The following GIT2 variants were observed in gnomAD, a reference collection of about 807,000 sequenced individuals.
GIT2 encodes ARF GTPase-activating protein GIT2.
Under a neutral mutation model 100.3 loss-of-function variants are expected in GIT2, and 32 were observed. The ratio of observed to expected loss-of-function variants is 0.32; its 90% confidence interval spans 0.24 to 0.43. The LOEUF (loss-of-function observed/expected upper bound fraction) is 0.43. GIT2 is among the 20% of genes least tolerant of loss of function. GIT2 has a pLI of 1.00. For synonymous variants in GIT2, 353 were observed against 364.1 expected, an observed-to-expected ratio of 0.97 and a Z score of 0.35; for missense variants, 737 against 975.1, an observed-to-expected ratio of 0.76 and a Z score of 3.25.
intron 14 of GIT2, 179 bp downstream of exon 14, chr12:109,950,988 T>C: frequency 1.5e-6 from 1 of 659,392 alleles, no homozygotes; most frequent in South Asian, 1.8e-5. Context: ...TTACTCTGGA[T>C]ATATTTCATT....
Position 109,951,231 on chromosome 12 carries a change from T to TTGGCCTCAGAA in GIT2, c.1317_1327dup (p.Lys443IlefsTer9). On this transcript the variant is annotated frameshift_variant, in exon 14 of 20. Coordinates refer to ENST00000355312, the MANE Select transcript of GIT2 (RefSeq NM_057169.5). LOFTEE classifies it high-confidence loss of function. The stretch of plus-strand genomic sequence containing the variant: ...ATTCACCTTCATTAGCTGCTGTATC[T>TTGGCCTCAGAA]TGGCCTCAGAAGCCACTAGAGCGTT... 6.2e-7 allele frequency: 1 copy of TTGGCCTCAGAA among 1,612,910 alleles called. No individual in the cohort carries two copies. Among genetic ancestry groups the TTGGCCTCAGAA allele is most frequent in the Non-Finnish European group, 8.5e-7 (1 of 1,178,854 alleles).
rs762150377 is a variant in GIT2 at position 109,932,997 on chromosome 12, G to A, written c.2261C>T (p.Thr754Ile). Residue 754 changes from threonine (T) to isoleucine (I), a missense_variant, in exon 20 of 20, where the codon ACC (threonine) becomes ATC (isoleucine). Physicochemically the swap from Thr to Ile is moderately conservative, Grantham distance 89. Transcript: ENST00000355312. ...KAAKQLVTIT[T>I]KENNN is the part of the protein sequence containing the mutation. ...CCCTTGTCAGTTGTTGTTCTCTTTGGTGGTGATGGTAACCAGCTGCTTGGC... is the reference window on the plus strand; with the variant it reads ...CCCTTGTCAGTTGTTGTTCTCTTTGATGGTGATGGTAACCAGCTGCTTGGC... The A allele has an allele frequency of 6.2e-7, 1 of 1,608,168 alleles. No homozygotes were observed. The highest frequency in any genetic ancestry group is 2.2e-5 in the East Asian group (1 of 44,870).
intron 2 of GIT2, among the ~76,000 whole-genome samples, chr12:109,991,019 T>C (rs1036168780): frequency 6.6e-6 from 1 of 152,190 alleles, no homozygotes; most frequent in Non-Finnish European, 1.5e-5. Flanking sequence ...ATAGAAAAGA[T>C]GGACTACTGG....
Position 109,948,478 on chromosome 12 carries a change from G to C in GIT2, c.1393-974C>G. 1 of 1,140,672 alleles carries C rather than the reference G, an allele frequency of 8.8e-7. No individual in the cohort carries two copies. The highest frequency in any genetic ancestry group is 5.6e-5 in the East Asian group (1 of 17,944). The allele number at this position is 1,140,672 out of a possible 1,614,324, so 70.7% of individuals were successfully genotyped here. A position where few individuals can be genotyped will look rare whatever the true frequency, so the allele number is the denominator to read the frequency against. On this transcript the variant is annotated intron_variant, in intron 14 of 19. Transcript: ENST00000355312. The surrounding 1 kb of genome is among the most constrained non-coding windows in gnomAD (Gnocchi z 4.3). ...ATGGTGCTGGATGGATTAGAGTTAAGGGGTCAGCAGGGAATCGTGTTACTC... is the reference window on the plus strand; with the variant it reads ...ATGGTGCTGGATGGATTAGAGTTAACGGGTCAGCAGGGAATCGTGTTACTC...
intron 9 of GIT2, 79 bp downstream of exon 9, chr12:109,965,447 G>A (rs1882079860): frequency 1.3e-6 from 1 of 791,718 alleles, no homozygotes; most frequent in Non-Finnish European, 2.1e-6. Context: ...GACGCAATAG[G>A]TAACCTGCAT....
intron 16 of GIT2, 107 bp downstream of exon 16, chr12:109,945,153 A>C (rs537025526): frequency 7.4e-6 from 5 of 675,646 alleles, no homozygotes; most frequent in Non-Finnish European, 1.4e-5. Flanking sequence ...TGCCTCATGC[A>C]GGACGGAAGG....
At chr12:109,988,455 T>C (rs1190408885) in intron 4 of GIT2, among the ~76,000 whole-genome samples, 1 of 151,902 alleles carries the variant, frequency 6.6e-6, no homozygotes, top group African/African-American at 2.4e-5. Context: ...GGTGGAAGGA[T>C]TGCTAGAGCC....
At chr12:109,961,478 C>T (rs1199134235) in intron 10 of GIT2, 103 bp from the exon 11 acceptor site, 1 of 936,800 alleles carries the variant, frequency 1.1e-6, no homozygotes, top group Non-Finnish European at 1.8e-6. Flanking sequence ...ACTCTGAAGC[C>T]AACACACGCA....
intron 13 of GIT2, 123 bp downstream of exon 13, chr12:109,952,969 C>T: frequency 5.7e-6 from 5 of 869,680 alleles, no homozygotes; most frequent in Non-Finnish European, 8.9e-6. Context: ...AACCATTTAA[C>T]CTTGTTTCAC....
chr12:109,968,577 C>G (rs965983775), intron 7 of GIT2, among the ~76,000 whole-genome samples: 2 of 152,054 alleles, frequency 1.3e-5, no homozygotes, highest in Non-Finnish European at 2.9e-5. Flanking sequence ...GCATGCGCCA[C>G]CACGCCCAAC....
rs759478405 is a variant in GIT2 at position 109,991,633 on chromosome 12, C to G, written c.180G>C (p.Leu60=). ...GAGAATTCTTATCCTTTACCTGAAG[C>G]AGTGTTGGAGGCCACGGTGTGTGTT... The part of the protein sequence containing the change: ...HLKHTPWPPT[L]LQMVETLYNN... The change falls in exon 2 of 20, where the codon CTG becomes CTC. Residue 60 remains leucine (L), a synonymous_variant. Transcript: ENST00000355312. 1.2e-6 allele frequency: 2 copies of G among 1,612,104 alleles called. No individual in the cohort carries two copies. The highest frequency in any genetic ancestry group is 3.3e-5 in the Admixed American group (2 of 59,858).
rs1424126165 is a variant in GIT2 at position 109,947,805 on chromosome 12, G to A, written c.1393-301C>T. ...TTAAAATTTGTCATGGTGGGGCTGGGAAATGTTTGCAGGCAAGCTGTACAC... is the reference window on the plus strand; with the variant it reads ...TTAAAATTTGTCATGGTGGGGCTGGAAAATGTTTGCAGGCAAGCTGTACAC... On this transcript the variant is annotated intron_variant, in intron 14 of 19. Transcript: ENST00000355312. This position sits in a 1 kb window ranked among gnomAD's most constrained non-coding sequence, Gnocchi z 4.3. 2 of 333,882 alleles carry A rather than the reference G, an allele frequency of 6.0e-6. No homozygotes were observed. The highest frequency in any genetic ancestry group is 7.0e-5 in the East Asian group (1 of 14,190). 20.7% of individuals were successfully genotyped at this position (333,882 alleles called of 1,614,324 possible). A position where few individuals can be genotyped will look rare whatever the true frequency, so the allele number is the denominator to read the frequency against.
At chr12:109,986,990 TAAAA>T (rs1222384139) in intron 4 of GIT2, among the ~76,000 whole-genome samples, 3 of 151,670 alleles carry the variant, frequency 2.0e-5, no homozygotes, top group African/African-American at 7.3e-5. Flanking sequence ...AAAATAAAAA[TAAAA>T]AAATTAACCC....
chr12:109,948,992 G>T lies in GIT2; in HGVS notation c.1393-1488C>A. 1.7e-6 allele frequency: 1 copy of T among 602,656 alleles called. No individual in the cohort carries two copies. Among genetic ancestry groups the T allele is most frequent in the Non-Finnish European group, 2.9e-6 (1 of 349,570 alleles). 37.3% of individuals were successfully genotyped at this position (602,656 alleles called of 1,614,324 possible). A position where few individuals can be genotyped will look rare whatever the true frequency, so the allele number is the denominator to read the frequency against. The stretch of plus-strand genomic sequence containing the variant: ...TACTTTATATTAATCATGCCAAACT[G>T]CTGTGAAAGTGTGACTTACTGCCTC... On this transcript the variant is annotated intron_variant, in intron 14 of 19. Transcript: ENST00000355312. The surrounding 1 kb of genome is among the most constrained non-coding windows in gnomAD (Gnocchi z 4.3).
intron 1 of GIT2, among the ~76,000 whole-genome samples, chr12:109,994,368 C>T (rs1339982396): frequency 6.6e-6 from 1 of 152,126 alleles, no homozygotes; most frequent in Non-Finnish European, 1.5e-5. Flanking sequence ...TTTGTGACTC[C>T]CCCAGACAAA....
intron 7 of GIT2, among the ~76,000 whole-genome samples, chr12:109,976,594 T>G (rs545607323): frequency 7.4e-6 from 1 of 135,072 alleles, no homozygotes; most frequent in South Asian, 2.3e-4. Context: ...TTTTCTTTTC[T>G]TTTTTTTTTT....
chr12:109,991,868 G>T, intron 1 of GIT2, 108 bp from the exon 2 acceptor site: 1 of 945,144 alleles, frequency 1.1e-6, no homozygotes, highest in Non-Finnish European at 1.6e-6. Context: ...AGACATTTTT[G>T]TTTCAGTATG....
At chr12:109,952,071 G>A (rs1219998382) in intron 13 of GIT2, among the ~76,000 whole-genome samples, 4 of 152,162 alleles carry the variant, frequency 2.6e-5, no homozygotes, top group East Asian at 1.9e-4. Context: ...GGTGGCTTCC[G>A]GGAAGTCTGC....
At chr12:109,967,331 A>G in intron 8 of GIT2, 127 bp downstream of exon 8, 1 of 1,598,254 alleles carries the variant, frequency 6.3e-7, no homozygotes, top group Non-Finnish European at 8.5e-7. Context: ...TTATTTCCAA[A>G]TGGTATAGCC....
Sources: gnomAD v4.1 joint callset for allele counts (sites outside exome capture counted in the v4.1 genomes callset) on GRCh38, gnomAD v4.1.1 for gene constraint, Gnocchi (gnomAD v3.1) non-coding constraint, MANE v1.5 for transcripts, NCBI Gene and HGNC (gene_info 2026-07-23, HGNC 2026-07-21) for gene names.